GALNT18: variants seen among roughly 807,000 people sequenced by gnomAD.
GALNT18 encodes the protein polypeptide N-acetylgalactosaminyltransferase 18.
Under a neutral mutation model 69.5 loss-of-function variants are expected in GALNT18, and 44 were observed. The observed-to-expected ratio is 0.63, with a 90% CI of 0.50 to 0.81. The LOEUF (loss-of-function observed/expected upper bound fraction) is 0.81, where lower values mean the gene tolerates loss of function less well. Ranked by LOEUF, GALNT18 falls within the 40% of genes least tolerant of loss-of-function variation. The probability of loss-of-function intolerance (pLI) is 0.00; values close to 1 mark genes in which losing one functional copy is unlikely to be tolerated. For missense variants in GALNT18, 715 were observed against 810.0 expected (o/e 0.88, Z 1.42); for synonymous variants, 364 against 318.2 (o/e 1.14, Z -1.53).
rs1004778960 is a variant in GALNT18, at chr11:11,431,365, G to A, written c.595+1256C>T. ...CTAGGGAATGGGAGTTTTCTTAGGC[G>A]CCCGTTTTTTGGGTCCCAGGCTAGA... On this transcript the variant is annotated intron_variant, in intron 3 of 10. Transcript: ENST00000227756. Among the ~76,000 whole-genome samples, 5 of 152,120 alleles carry A rather than the reference G, an allele frequency of 3.3e-5. No individual in the cohort carries two copies. In the East Asian group the frequency reaches 5.8e-4, roughly 18 times the overall value.
At chr11:11,608,151 G>A (rs1222626453) in intron 1 of GALNT18, among the ~76,000 whole-genome samples, 2 of 152,086 alleles carry the variant, frequency 1.3e-5, no homozygotes, top group Non-Finnish European at 2.9e-5. Context: ...TGACTTACGT[G>A]GGAAAGTCCC....
intron 1 of GALNT18, among the ~76,000 whole-genome samples, chr11:11,577,860 C>T (rs887196289): frequency 2.0e-5 from 3 of 152,160 alleles, no homozygotes; most frequent in African/African-American, 4.8e-5. Flanking sequence ...CCAAGGCTTC[C>T]AGGAAGAAGA....
At chr11:11,279,808 T>G (rs749037427) in intron 10 of GALNT18, among the ~76,000 whole-genome samples, 1 of 152,082 alleles carries the variant, frequency 6.6e-6, no homozygotes, top group Non-Finnish European at 1.5e-5. Context: ...CTGAGCTGGG[T>G]GATGGAAACC....
chr11:11,484,133 G>A (rs1590043160), intron 1 of GALNT18, among the ~76,000 whole-genome samples: 1 of 152,286 alleles, frequency 6.6e-6, no homozygotes, highest in East Asian at 1.9e-4. Flanking sequence ...GAAGCTCTGA[G>A]CAATTAAAAA....
intron 2 of GALNT18, 98 bp downstream of exon 2, chr11:11,448,646 A>G (rs1411194328): frequency 1.0e-6 from 1 of 1,001,102 alleles, no homozygotes; most frequent in African/African-American, 1.7e-5. Context: ...AAGGGACCCA[A>G]GAATCCAGGC....
rs1854773906 is a variant in GALNT18, at chr11:11,413,296, C to CTGAG, written c.595+19321_595+19324dup. ...GACCCCGGTGGGAAGCTCTTCTGCACTGAGTGGCCCTGGAGGGGAAGCAAT... is the reference window on the plus strand; with the variant it reads ...GACCCCGGTGGGAAGCTCTTCTGCACTGAGTGAGTGGCCCTGGAGGGGAAGCAAT... On this transcript the variant is annotated intron_variant, in intron 3 of 10. Coordinates refer to ENST00000227756, the MANE Select transcript of GALNT18 (RefSeq NM_198516.3). This position sits in a 1 kb window ranked among gnomAD's most constrained non-coding sequence, Gnocchi z 4.7. Among the ~76,000 whole-genome samples, 1 of 152,176 alleles carries CTGAG rather than the reference C, an allele frequency of 6.6e-6. No individual in the cohort carries two copies. Among genetic ancestry groups the CTGAG allele is most frequent in the African/African-American group, 2.4e-5 (1 of 41,450 alleles).
intron 6 of GALNT18, chr11:11,352,112 T>C: frequency 6.2e-7 from 1 of 1,613,382 alleles, no homozygotes; most frequent in Non-Finnish European, 8.5e-7. Context: ...GCATGCTAGA[T>C]GAACCCATTC....
At chr11:11,475,938 C>G (rs922951257) in intron 1 of GALNT18, 1 of 152,206 alleles carries the variant, frequency 6.6e-6, no homozygotes, top group Non-Finnish European at 1.5e-5. Flanking sequence ...AATCCAGGAA[C>G]AGAGCTGGGG....
intron 1 of GALNT18, among the ~76,000 whole-genome samples, chr11:11,484,593 CAAAAAA>C (rs1159968814): frequency 4.8e-5 from 4 of 83,066 alleles, no homozygotes; most frequent in Non-Finnish European, 6.5e-5. Context: ...AACTCCATCT[CAAAAAA>C]AAAAAAAAAA....
At chr11:11,344,404 C>G (rs1850264611) in intron 6 of GALNT18, among the ~76,000 whole-genome samples, 2 of 152,202 alleles carry the variant, frequency 1.3e-5, no homozygotes, top group African/African-American at 4.8e-5. Context: ...TGTGGTCCTG[C>G]CTTGTTCCCT....
chr11:11,607,892 A>C (rs1181420202), intron 1 of GALNT18, among the ~76,000 whole-genome samples: 1 of 152,236 alleles, frequency 6.6e-6, no homozygotes, highest in Non-Finnish European at 1.5e-5. Flanking sequence ...CATTCCTGGC[A>C]TTGTCTGCTG....
At chr11:11,486,018 T>C (rs1222620545) in intron 1 of GALNT18, among the ~76,000 whole-genome samples, 2 of 152,114 alleles carry the variant, frequency 1.3e-5, no homozygotes, top group Non-Finnish European at 2.9e-5. Context: ...ATCACAGAGA[T>C]GGTTGGTGGG....
intron 3 of GALNT18, among the ~76,000 whole-genome samples, chr11:11,431,587 C>G (rs1855265725): frequency 6.6e-6 from 1 of 152,182 alleles, no homozygotes; most frequent in Non-Finnish European, 1.5e-5. Flanking sequence ...CAGCACTGCT[C>G]CCACACTTCT....
rs1282769639 is a variant in GALNT18 at position 11,542,907 on chromosome 11, A to G, written c.235+78452T>C. Among the ~76,000 whole-genome samples, 1 of 152,242 alleles carries G rather than the reference A, an allele frequency of 6.6e-6. No individual in the cohort carries two copies. The highest frequency in any genetic ancestry group is 1.5e-5 in the Non-Finnish European group (1 of 68,038). On this transcript the variant is annotated intron_variant, in intron 1 of 10. Coordinates refer to ENST00000227756, the MANE Select transcript of GALNT18 (RefSeq NM_198516.3). The surrounding 1 kb of genome is among the most constrained non-coding windows in gnomAD (Gnocchi z 4.3). Reference sequence around the variant, plus strand: ...TTGGGCAAAGTGTTTAATGGTCAGTAACTAAGTTTCAGTGGTTGAGAAGGA... The same window carrying G: ...TTGGGCAAAGTGTTTAATGGTCAGTGACTAAGTTTCAGTGGTTGAGAAGGA...
Position 11,505,902 on chromosome 11 carries a change from T to A in GALNT18, c.236-56966A>T, listed in dbSNP as rs981933275. 6.6e-6 allele frequency among the ~76,000 whole-genome samples: 1 copy of A among 152,126 alleles called. No homozygotes were observed. The highest frequency in any genetic ancestry group is 2.4e-5 in the African/African-American group (1 of 41,406). On this transcript the variant is annotated intron_variant, in intron 1 of 10. Transcript: ENST00000227756. The surrounding 1 kb of genome is among the most constrained non-coding windows in gnomAD (Gnocchi z 4.6). The stretch of plus-strand genomic sequence containing the variant: ...AGAGAAGCCAGCCATCCATCCTCAC[T>A]CCTCTGAAAGGAAGTCATCCTCCCC...
intron 10 of GALNT18, among the ~76,000 whole-genome samples, chr11:11,282,959 C>A: frequency 6.6e-6 from 1 of 151,988 alleles, no homozygotes; most frequent in South Asian, 2.1e-4. Context: ...GAGCTGGAGG[C>A]AGACGGCAAG....
At chr11:11,460,321 A>C (rs532267481) in intron 1 of GALNT18, among the ~76,000 whole-genome samples, 2 of 152,306 alleles carry the variant, frequency 1.3e-5, no homozygotes, top group South Asian at 4.1e-4. Context: ...AGAGATTCTA[A>C]TACTTCACTC....
chr11:11,578,549 C>T (rs535133954), intron 1 of GALNT18, among the ~76,000 whole-genome samples: 3 of 152,194 alleles, frequency 2.0e-5, no homozygotes, highest in African/African-American at 7.2e-5. Flanking sequence ...TCCCTTTTAT[C>T]CTTTCCTTCA....
At chr11:11,313,385 C>T (rs1812660757) in intron 9 of GALNT18, among the ~76,000 whole-genome samples, 1 of 152,198 alleles carries the variant, frequency 6.6e-6, no homozygotes, top group African/African-American at 2.4e-5. Flanking sequence ...AACCTGCCAT[C>T]AGTACTGTCA....
Sources: allele counts gnomAD v4.1 joint callset (sites outside exome capture counted in the v4.1 genomes callset), GRCh38; gene constraint gnomAD v4.1.1; non-coding constraint Gnocchi (gnomAD v3.1); transcripts MANE v1.5; gene names NCBI Gene and HGNC (gene_info 2026-07-23, HGNC 2026-07-21).